AGBL4: variants seen among roughly 807,000 people sequenced by gnomAD.
The protein encoded by AGBL4 is cytosolic carboxypeptidase 6.
AGBL4 carries 58 observed loss-of-function variants against 66.4 expected under a neutral mutation model. That is an observed-to-expected ratio of 0.87 (90% CI 0.71 to 1.09). The LOEUF is 1.09. Among genes scored for constraint, AGBL4 ranks in the 50% least tolerant of loss-of-function variants. AGBL4 has a pLI of 0.00. For synonymous variants in AGBL4, 234 were observed against 222.9 expected, an observed-to-expected ratio of 1.05 and a Z score of -0.44; for missense variants, 579 against 631.0, an observed-to-expected ratio of 0.92 and a Z score of 0.88.
intron 3 of AGBL4, among the ~76,000 whole-genome samples, chr1:49,300,733 T>G (rs899167069): frequency 2.6e-5 from 4 of 152,190 alleles, no homozygotes; most frequent in African/African-American, 9.6e-5. Context: ...CCTCTCCAGA[T>G]TAATCTCTTC....
intron 3 of AGBL4, among the ~76,000 whole-genome samples, chr1:49,635,218 A>C (rs895908468): frequency 6.6e-6 from 1 of 152,190 alleles, no homozygotes; most frequent in Non-Finnish European, 1.5e-5. Context: ...TTTAATTCAT[A>C]CTTCATATCA....
At chr1:49,957,399 AT>A (rs1656704589) in intron 1 of AGBL4, among the ~76,000 whole-genome samples, 1 of 151,846 alleles carries the variant, frequency 6.6e-6, no homozygotes, top group Non-Finnish European at 1.5e-5. Flanking sequence ...GCTGAGTTCA[AT>A]TCCTGGGTAT....
chr1:48,733,417 G>T (rs890211213), intron 6 of AGBL4, among the ~76,000 whole-genome samples: 7 of 152,158 alleles, frequency 4.6e-5, no homozygotes, highest in African/African-American at 1.4e-4. Flanking sequence ...CCTCAAAACT[G>T]TGGAAATTCC....
chr1:49,557,687 A>G (rs1407176630), intron 3 of AGBL4, among the ~76,000 whole-genome samples: 5 of 152,046 alleles, frequency 3.3e-5, no homozygotes, highest in Non-Finnish European at 7.4e-5. Context: ...CTAAGTAAAC[A>G]TAAAAGGCAG....
At chr1:48,642,446 A>G (rs1373743995) in intron 8 of AGBL4, among the ~76,000 whole-genome samples, 1 of 152,080 alleles carries the variant, frequency 6.6e-6, no homozygotes, top group Non-Finnish European at 1.5e-5. Context: ...CCTGCTTGGC[A>G]GCAACAAACA....
intron 1 of AGBL4, among the ~76,000 whole-genome samples, chr1:50,014,382 T>C (rs1258811662): frequency 6.6e-6 from 1 of 150,972 alleles, no homozygotes; most frequent in Admixed American, 6.6e-5. Context: ...AAAAAAAAGA[T>C]AAAGAAAAAG....
intron 6 of AGBL4, among the ~76,000 whole-genome samples, chr1:48,748,771 T>C (rs563199682): frequency 8.3e-4 from 127 of 152,104 alleles, no homozygotes; most frequent in African/African-American, 3.0e-3. Flanking sequence ...TGGTGATCTC[T>C]GACTGGGGCT....
intron 3 of AGBL4, among the ~76,000 whole-genome samples, chr1:49,539,601 G>T (rs554250913): frequency 9.2e-5 from 14 of 152,150 alleles, no homozygotes; most frequent in South Asian, 6.2e-4. Context: ...GGATTACTCA[G>T]GAAAGTATCT....
At chr1:49,171,022 A>C (rs980273231) in intron 4 of AGBL4, among the ~76,000 whole-genome samples, 1 of 152,170 alleles carries the variant, frequency 6.6e-6, no homozygotes, top group Non-Finnish European at 1.5e-5. Flanking sequence ...TCTAGTGGTC[A>C]AAACAAGTCT....
intron 5 of AGBL4, among the ~76,000 whole-genome samples, chr1:48,901,177 T>C (rs2148868957): frequency 6.6e-6 from 1 of 152,254 alleles, no homozygotes; most frequent in African/African-American, 2.4e-5. Context: ...GAGATATCAC[T>C]AGACAACTAT....
intron 4 of AGBL4, among the ~76,000 whole-genome samples, chr1:49,141,900 G>C (rs1646124943): frequency 6.6e-6 from 1 of 152,068 alleles, no homozygotes; most frequent in Non-Finnish European, 1.5e-5. Context: ...AGTCAGAAAA[G>C]TTGATGTCTT....
chr1:48,565,789 T>C (rs758558744), intron 11 of AGBL4, among the ~76,000 whole-genome samples: 58 of 152,254 alleles, frequency 3.8e-4, no homozygotes, highest in Non-Finnish European at 4.1e-4. Context: ...ACATAGTTGC[T>C]TTGAGGTTGA....
At chr1:49,129,060 T>C (rs1645827352) in intron 4 of AGBL4, among the ~76,000 whole-genome samples, 1 of 151,976 alleles carries the variant, frequency 6.6e-6, no homozygotes, top group South Asian at 2.1e-4. Flanking sequence ...AATAGACATT[T>C]TAACAAAACC....
chr1:48,793,202 T>C (rs1171018998), intron 6 of AGBL4, among the ~76,000 whole-genome samples: 2 of 152,194 alleles, frequency 1.3e-5, no homozygotes, highest in African/African-American at 2.4e-5. Flanking sequence ...TAATGATCTA[T>C]AAACAAATGC....
chr1:48,932,916 C>T (rs1655150239), intron 5 of AGBL4, among the ~76,000 whole-genome samples: 1 of 152,130 alleles, frequency 6.6e-6, no homozygotes, highest in Non-Finnish European at 1.5e-5. Context: ...GGTAAAAACA[C>T]ACACACACAC....
intron 3 of AGBL4, among the ~76,000 whole-genome samples, chr1:49,251,198 C>T (rs1652032518): frequency 1.3e-5 from 2 of 152,100 alleles, no homozygotes; most frequent in Admixed American, 1.3e-4. Context: ...TGAAGAGCTC[C>T]AGTGAGGCAG....
At chr1:48,845,181 C>CT (rs112625644) in intron 6 of AGBL4, among the ~76,000 whole-genome samples, 6,256 of 152,074 alleles carry the variant, frequency 0.041, 428 homozygotes, top group African/African-American at 0.14. Context: ...AAAAAATTAG[C>CT]TTTTTTTTCA....
intron 6 of AGBL4, among the ~76,000 whole-genome samples, chr1:48,829,994 G>A (rs1271692158): frequency 1.3e-5 from 2 of 152,148 alleles, no homozygotes; most frequent in Non-Finnish European, 2.9e-5. Flanking sequence ...AGGAGGCCTA[G>A]AGACTCAACT....
At chr1:49,635,816 C>T (rs192378498) in intron 3 of AGBL4, among the ~76,000 whole-genome samples, 10 of 152,266 alleles carry the variant, frequency 6.6e-5, no homozygotes, top group South Asian at 4.1e-4. Flanking sequence ...TTAGAAAAAC[C>T]ATTTGGCTAT....
Sources: gnomAD v4.1 joint callset for allele counts (sites outside exome capture counted in the v4.1 genomes callset) on GRCh38, gnomAD v4.1.1 for gene constraint, MANE v1.5 for transcripts, NCBI Gene and HGNC (gene_info 2026-07-23, HGNC 2026-07-21) for gene names.